Variants in PCDH9 observed in about 807,000 individuals in gnomAD.
The protein encoded by PCDH9 is protocadherin-9.
Under a neutral mutation model 70.6 loss-of-function variants are expected in PCDH9, and 24 were observed. The observed-to-expected ratio is 0.34, with a 90% CI of 0.25 to 0.48. PCDH9 has a LOEUF of 0.48. Ranked by LOEUF, PCDH9 falls within the 20% of genes least tolerant of loss-of-function variation. The pLI, the probability that PCDH9 is intolerant of heterozygous loss-of-function variation, is 0.99. For missense variants in PCDH9, 1,281 were observed against 1,503.6 expected (o/e 0.85, Z 2.45); for synonymous variants, 562 against 558.5 (o/e 1.01, Z -0.09).
At chr13:66,854,080 T>C (rs2081357014) in intron 3 of PCDH9, among the ~76,000 whole-genome samples, 1 of 152,184 alleles carries the variant, frequency 6.6e-6, no homozygotes, top group South Asian at 2.1e-4. Flanking sequence ...TGCTGTTCTT[T>C]TAGCTACTAG....
intron 2 of PCDH9, among the ~76,000 whole-genome samples, chr13:67,118,808 T>G (rs1489774500): frequency 6.6e-6 from 1 of 152,156 alleles, no homozygotes; most frequent in Admixed American, 6.6e-5. Context: ...ACAACCTATT[T>G]ATCCTAAATA....
At chr13:66,419,231 G>T (rs1957518747) in intron 4 of PCDH9, among the ~76,000 whole-genome samples, 1 of 151,846 alleles carries the variant, frequency 6.6e-6, no homozygotes, top group Admixed American at 6.6e-5. Context: ...CCAAAACTTG[G>T]CAAAGACACA....
At chr13:66,955,535 C>T (rs1437017647) in intron 2 of PCDH9, among the ~76,000 whole-genome samples, 1 of 152,094 alleles carries the variant, frequency 6.6e-6, no homozygotes, top group African/African-American at 2.4e-5. Context: ...TTTAAGGATT[C>T]TTTCATGTTA....
intron 4 of PCDH9, among the ~76,000 whole-genome samples, chr13:66,447,861 T>C (rs950612677): frequency 2.0e-5 from 3 of 152,136 alleles, no homozygotes; most frequent in African/African-American, 7.2e-5. Context: ...ATATTGCAAA[T>C]CCAACTCAAC....
intron 3 of PCDH9, among the ~76,000 whole-genome samples, chr13:66,651,590 A>C (rs2077852301): frequency 6.6e-6 from 1 of 152,066 alleles, no homozygotes; most frequent in Non-Finnish European, 1.5e-5. Context: ...ATTTATTTAA[A>C]GAACTAATAC....
At chr13:67,004,071 T>C (rs1052047542) in intron 2 of PCDH9, among the ~76,000 whole-genome samples, 7 of 152,054 alleles carry the variant, frequency 4.6e-5, no homozygotes, top group African/African-American at 1.7e-4. Flanking sequence ...ATCCCTATTA[T>C]GTAGTGTGGT....
chr13:66,847,828 C>G (rs1594142844), intron 3 of PCDH9, among the ~76,000 whole-genome samples: 1 of 152,144 alleles, frequency 6.6e-6, no homozygotes, highest in African/African-American at 2.4e-5. Flanking sequence ...TGGGATGGAG[C>G]AGGACAGTGT....
chr13:66,858,322 C>T (rs1485200751), intron 3 of PCDH9, among the ~76,000 whole-genome samples: 1 of 152,068 alleles, frequency 6.6e-6, no homozygotes, highest in Non-Finnish European at 1.5e-5. Flanking sequence ...CAGTTTTGAT[C>T]CTTATAAACT....
intron 2 of PCDH9, among the ~76,000 whole-genome samples, chr13:67,144,368 G>A (rs2138367507): frequency 6.6e-6 from 1 of 152,266 alleles, no homozygotes; most frequent in Admixed American, 6.5e-5. Flanking sequence ...TAGTGATCAT[G>A]TAAGAAGAGG....
rs1566185357 is a variant in PCDH9, at chr13:66,774,611, T to G, written c.3138+128893A>C. On this transcript the variant is annotated intron_variant, in intron 3 of 4. Coordinates refer to ENST00000377865, the MANE Select transcript of PCDH9 (RefSeq NM_203487.3). ...AAAGAAACCCATGTATTTATTGTGCTTCATCAAGGTACCCACATTTGGGCA... is the reference window on the plus strand; with the variant it reads ...AAAGAAACCCATGTATTTATTGTGCGTCATCAAGGTACCCACATTTGGGCA... Among the ~76,000 whole-genome samples the G allele has an allele frequency of 2.6e-5, 4 of 152,344 alleles. No homozygotes were observed. In the South Asian group the frequency reaches 8.3e-4, roughly 32 times the overall value.
intron 2 of PCDH9, among the ~76,000 whole-genome samples, chr13:67,074,085 A>G (rs117201679): frequency 4.8e-5 from 7 of 147,314 alleles, no homozygotes. Context: ...TTTATTATCT[A>G]TCTGTCTGTC....
intron 2 of PCDH9, among the ~76,000 whole-genome samples, chr13:67,072,714 T>A (rs1477764494): frequency 1.0e-5 from 1 of 95,402 alleles, no homozygotes; most frequent in East Asian, 3.6e-4. Flanking sequence ...GAAGGAATTT[T>A]TTATGTAATA....
At chr13:66,608,440 C>T (rs2138863281) in intron 4 of PCDH9, among the ~76,000 whole-genome samples, 1 of 151,992 alleles carries the variant, frequency 6.6e-6, no homozygotes, top group African/African-American at 2.4e-5. Flanking sequence ...AAGGTGAAAA[C>T]AATTTTATTA....
intron 4 of PCDH9, among the ~76,000 whole-genome samples, chr13:66,437,152 A>G (rs1957882119): frequency 6.6e-6 from 1 of 151,740 alleles, no homozygotes; most frequent in Non-Finnish European, 1.5e-5. Context: ...TCATACCTGT[A>G]ATCTCAGCAC....
Position 66,304,260 on chromosome 13 carries a change from CAAAA to C in PCDH9, c.*391_*394del, listed in dbSNP as rs55837718. On this transcript the variant is annotated 3_prime_UTR_variant, in exon 5 of 5. Coordinates refer to ENST00000377865, the MANE Select transcript of PCDH9 (RefSeq NM_203487.3). ...TAGCAGTCCCAGCACAAATCAATGA[CAAAA>C]AAAAAAAAAAAAAAAAAAAAAAGCA... The C allele has an allele frequency of 4.0e-3, 264 of 65,494 alleles. No homozygotes were observed. Among genetic ancestry groups the C allele is most frequent in the African/African-American group, 0.015 (236 of 15,532 alleles). The allele number at this position is 65,494 out of a possible 1,614,324, so 4.1% of individuals were successfully genotyped here.
At chr13:66,730,877 T>TTTTTTG (rs1555262854) in intron 3 of PCDH9, among the ~76,000 whole-genome samples, 1 of 14,144 alleles carries the variant, frequency 7.1e-5, no homozygotes, top group Non-Finnish European at 9.0e-4. Flanking sequence ...TGTGTGTGTG[T>TTTTTTG]TTTTTTTTTG....
chr13:66,678,677 A>G (rs1401521896), intron 3 of PCDH9, among the ~76,000 whole-genome samples: 1 of 152,048 alleles, frequency 6.6e-6, no homozygotes, highest in African/African-American at 2.4e-5. Context: ...GTGCAAAGCC[A>G]AATACCAAAT....
chr13:67,187,424 T>C (rs2088787137), intron 2 of PCDH9, among the ~76,000 whole-genome samples: 1 of 152,114 alleles, frequency 6.6e-6, no homozygotes, highest in Admixed American at 6.6e-5. Flanking sequence ...CTGAGAGGAT[T>C]AGCTAGTGGG....
intron 3 of PCDH9, among the ~76,000 whole-genome samples, chr13:66,660,126 CTT>C (rs2077988914): frequency 6.6e-6 from 1 of 152,100 alleles, no homozygotes; most frequent in East Asian, 1.9e-4. Context: ...CCTGCTGGGG[CTT>C]GAGGTATGGA....
Sources: gnomAD v4.1 joint callset for allele counts (sites outside exome capture counted in the v4.1 genomes callset) on GRCh38, gnomAD v4.1.1 for gene constraint, MANE v1.5 for transcripts, NCBI Gene and HGNC (gene_info 2026-07-23, HGNC 2026-07-21) for gene names.